COL28A1: variants seen among roughly 807,000 people sequenced by gnomAD.
COL28A1 encodes the protein collagen alpha-1(XXVIII) chain.
A neutral mutation model predicts 150.2 loss-of-function variants in COL28A1; 161 were observed. That is an observed-to-expected ratio of 1.07 (90% confidence interval 0.94 to 1.22). The LOEUF is 1.22. COL28A1 is among the 50% of genes most tolerant of loss of function. The pLI is 0.00. For synonymous variants in COL28A1, 552 were observed against 469.7 expected (o/e 1.18, Z -2.26); for missense variants, 1,617 against 1,388.3 (o/e 1.16, Z -2.62).
At chr7:7,435,068 G>C (rs576173836) in intron 23 of COL28A1, among the ~76,000 whole-genome samples, 1 of 152,194 alleles carries the variant, frequency 6.6e-6, no homozygotes, top group East Asian at 1.9e-4. Context: ...TAGAGTCCAG[G>C]GGAGTAGCAA....
At chr7:7,359,218 C>A (rs1780502288) in intron 34 of COL28A1, among the ~76,000 whole-genome samples, 1 of 151,972 alleles carries the variant, frequency 6.6e-6, no homozygotes. Context: ...CATTTCCTCC[C>A]ATTCTGTTCA....
intron 25 of COL28A1, among the ~76,000 whole-genome samples, chr7:7,420,631 A>C (rs1291731290): frequency 6.6e-6 from 1 of 152,264 alleles, no homozygotes; most frequent in African/African-American, 2.4e-5. Flanking sequence ...ATAATCTTGC[A>C]TTATAATGAT....
chr7:7,339,409 T>C, the COL28A1 span, among the ~76,000 whole-genome samples: 1 of 152,178 alleles, frequency 6.6e-6, no homozygotes, highest in Admixed American at 6.6e-5. Context: ...ACTTTTGATA[T>C]AAACCTTACC....
intron 33 of COL28A1, among the ~76,000 whole-genome samples, chr7:7,364,803 A>G (rs1780848109): frequency 6.6e-6 from 1 of 152,172 alleles, no homozygotes; most frequent in South Asian, 2.1e-4. Context: ...AAAAGAAATT[A>G]TCTTTTTTCT....
At chr7:7,446,815 A>G (rs1050865554) in intron 18 of COL28A1, among the ~76,000 whole-genome samples, 4 of 152,230 alleles carry the variant, frequency 2.6e-5, no homozygotes, top group Non-Finnish European at 5.9e-5. Flanking sequence ...TAAGGAGACA[A>G]ACATGCATCT....
At chr7:7,503,063 C>G (rs1400252754) in intron 11 of COL28A1, among the ~76,000 whole-genome samples, 1 of 152,160 alleles carries the variant, frequency 6.6e-6, no homozygotes, top group African/African-American at 2.4e-5. Flanking sequence ...TTGTCCCTAG[C>G]CAGAGTCCAC....
chr7:7,410,193 C>T (rs1156270406), intron 27 of COL28A1, among the ~76,000 whole-genome samples: 1 of 152,178 alleles, frequency 6.6e-6, no homozygotes, highest in Admixed American at 6.5e-5. Flanking sequence ...TACTACCCTA[C>T]AGAGAATACT....
At chr7:7,391,870 A>G (rs1324686405) in intron 27 of COL28A1, among the ~76,000 whole-genome samples, 2 of 137,352 alleles carry the variant, frequency 1.5e-5, no homozygotes, top group Non-Finnish European at 3.0e-5. Flanking sequence ...TTTTGAGCCT[A>G]TGTGTGTCCT....
chr7:7,511,567 T>A, intron 8 of COL28A1: 1 of 315,476 alleles, frequency 3.2e-6, no homozygotes, highest in South Asian at 2.9e-5. Context: ...AGCTAGTAAG[T>A]AAAAGAATCA....
intron 20 of COL28A1, among the ~76,000 whole-genome samples, chr7:7,441,491 G>A (rs1040204411): frequency 1.4e-5 from 2 of 147,478 alleles, no homozygotes; most frequent in African/African-American, 2.5e-5. Flanking sequence ...ACTGCAAGGC[G>A]CCATATCCAG....
intron 11 of COL28A1, among the ~76,000 whole-genome samples, chr7:7,499,614 G>A (rs1174864005): frequency 2.0e-5 from 3 of 152,094 alleles, no homozygotes; most frequent in African/African-American, 4.8e-5. Context: ...CTTTTTAAGT[G>A]GTTGAAAGCA....
chr7:7,456,142 C>T, intron 15 of COL28A1, 30 bp from the exon 16 acceptor site: 1 of 1,604,390 alleles, frequency 6.2e-7, no homozygotes, highest in Non-Finnish European at 8.5e-7. Flanking sequence ...GGAAATATAA[C>T]AATAAAATAA....
intron 18 of COL28A1, among the ~76,000 whole-genome samples, chr7:7,451,564 C>T (rs1490366166): frequency 6.6e-6 from 1 of 151,934 alleles, no homozygotes; most frequent in African/African-American, 2.4e-5. Flanking sequence ...GATTGCACGT[C>T]ATAAGTAGTG....
At chr7:7,529,212 C>A (rs1008215344) in intron 3 of COL28A1, among the ~76,000 whole-genome samples, 2 of 150,328 alleles carry the variant, frequency 1.3e-5, no homozygotes, top group African/African-American at 4.9e-5. Flanking sequence ...TCGCTTGAAC[C>A]CGGGAGGCAG....
At chr7:7,464,425 T>G (rs993678792) in intron 15 of COL28A1, among the ~76,000 whole-genome samples, 2 of 152,128 alleles carry the variant, frequency 1.3e-5, no homozygotes, top group African/African-American at 2.4e-5. Context: ...AAAACAAGCC[T>G]CAATAAGTTC....
intron 6 of COL28A1, 150 bp from the exon 7 acceptor site, chr7:7,517,987 CAAAAAAA>C: frequency 1.9e-6 from 1 of 519,022 alleles, no homozygotes; most frequent in Non-Finnish European, 3.1e-6. Flanking sequence ...GCAATCTAGG[CAAAAAAA>C]AAAAAAAAAT....
chr7:7,345,197 T>C, the COL28A1 span, among the ~76,000 whole-genome samples: 1 of 151,804 alleles, frequency 6.6e-6, no homozygotes, highest in South Asian at 2.1e-4. Context: ...AATCAGAAAA[T>C]GGAAAAGCTC....
At chr7:7,411,262 A>G (rs1583312759) in intron 27 of COL28A1, among the ~76,000 whole-genome samples, 1 of 152,204 alleles carries the variant, frequency 6.6e-6, no homozygotes, top group South Asian at 2.1e-4. Flanking sequence ...AATGACATTA[A>G]TCTTAAGCAC....
At chr7:7,530,096 A>G (rs1360427668) in intron 3 of COL28A1, among the ~76,000 whole-genome samples, 1 of 152,186 alleles carries the variant, frequency 6.6e-6, no homozygotes, top group South Asian at 2.1e-4. Flanking sequence ...ATTTTTTTAA[A>G]AAGCAGTTAC....
Sources: allele counts gnomAD v4.1 joint callset (sites outside exome capture counted in the v4.1 genomes callset), GRCh38; gene constraint gnomAD v4.1.1; transcripts MANE v1.5; gene names NCBI Gene and HGNC (gene_info 2026-07-23, HGNC 2026-07-21).